Variants in PCDH11X observed in about 807,000 individuals in gnomAD.
PCDH11X encodes protocadherin 11 X-linked, also known as protocadherin-11 X-linked.
Under a neutral mutation model 53.3 loss-of-function variants are expected in PCDH11X, and 18 were observed. That is an observed-to-expected ratio of 0.34 (90% CI 0.23 to 0.50). The LOEUF is 0.50. Among genes scored for constraint, PCDH11X ranks in the 20% least tolerant of loss-of-function variants. The pLI is 0.98. For synonymous variants in PCDH11X, 279 were observed against 393.3 expected (o/e 0.71, Z 3.44); for missense variants, 570 against 1,032.4 (o/e 0.55, Z 6.14).
intron 9 of PCDH11X, among the ~76,000 whole-genome samples, chrX:92,389,295 C>T (rs1178540436): frequency 2.7e-5 from 3 of 111,297 alleles, no homozygotes; most frequent in Non-Finnish European, 3.8e-5. Flanking sequence ...ATTATATTTA[C>T]TTGTGTAATG....
chrX:91,959,092 G>T (rs945258692), intron 6 of PCDH11X, among the ~76,000 whole-genome samples: 14 of 107,749 alleles, frequency 1.3e-4, no homozygotes, highest in Non-Finnish European at 5.8e-5. Flanking sequence ...ATCATTTAGA[G>T]AAGTTAAACT....
intron 8 of PCDH11X, among the ~76,000 whole-genome samples, chrX:92,382,553 A>T (rs967333410): frequency 9.0e-6 from 1 of 111,134 alleles, no homozygotes; most frequent in Non-Finnish European, 1.9e-5. Flanking sequence ...GGTTTAATGG[A>T]CACAAGAATG....
At chrX:92,010,479 C>A (rs896679952) in intron 6 of PCDH11X, among the ~76,000 whole-genome samples, 1 of 110,432 alleles carries the variant, frequency 9.1e-6, no homozygotes, top group Non-Finnish European at 1.9e-5. Context: ...ACTTTTCTAC[C>A]TAGAATTATT....
chrX:91,980,720 C>A (rs2062116439), intron 6 of PCDH11X, among the ~76,000 whole-genome samples: 1 of 107,660 alleles, frequency 9.3e-6, no homozygotes, highest in South Asian at 4.2e-4. Context: ...CAGGCATGAA[C>A]CACCATGCCC....
intron 8 of PCDH11X, among the ~76,000 whole-genome samples, chrX:92,352,903 G>T (rs1350816451): frequency 9.1e-6 from 1 of 109,898 alleles, no homozygotes; most frequent in South Asian, 4.1e-4. Flanking sequence ...TTTCTTCAGG[G>T]TGTCTATGGA....
intron 6 of PCDH11X, among the ~76,000 whole-genome samples, chrX:92,186,007 GTA>G (rs2066086455): frequency 9.0e-6 from 1 of 111,147 alleles, no homozygotes; most frequent in Non-Finnish European, 1.9e-5. Flanking sequence ...TTACTACTGG[GTA>G]TATATCCAAA....
chrX:92,196,100 G>A (rs1332363970), intron 6 of PCDH11X, among the ~76,000 whole-genome samples: 1 of 111,849 alleles, frequency 8.9e-6, no homozygotes, highest in Non-Finnish European at 1.9e-5. Context: ...AATCTACAGA[G>A]TCCTTCTAGG....
chrX:92,467,505 T>C (rs1393145422), intron 9 of PCDH11X, among the ~76,000 whole-genome samples: 4 of 111,427 alleles, frequency 3.6e-5, no homozygotes. Flanking sequence ...AATTTTGTAA[T>C]GAATAAACTT....
chrX:92,408,273 G>A (rs2148597668), intron 9 of PCDH11X, among the ~76,000 whole-genome samples: 1 of 110,209 alleles, frequency 9.1e-6, no homozygotes, highest in South Asian at 3.9e-4. Flanking sequence ...GTGAGACAGG[G>A]CATCTTAGCA....
chrX:92,213,150 A>T (rs181087886), intron 7 of PCDH11X, among the ~76,000 whole-genome samples: 64 of 112,240 alleles, frequency 5.7e-4, no homozygotes, highest in African/African-American at 1.9e-3. Flanking sequence ...CCCTGATGTG[A>T]TAACATTATT....
At chrX:92,292,609 G>T (rs1445719753) in intron 8 of PCDH11X, among the ~76,000 whole-genome samples, 1 of 110,968 alleles carries the variant, frequency 9.0e-6, no homozygotes, top group Non-Finnish European at 1.9e-5. Context: ...AAGTCAAAAA[G>T]AAAACATTCA....
chrX:92,279,231 G>T (rs1441115100), intron 8 of PCDH11X, among the ~76,000 whole-genome samples: 1 of 112,256 alleles, frequency 8.9e-6, no homozygotes, highest in Non-Finnish European at 1.9e-5. Context: ...CACTTTAACA[G>T]CTTGTTTTAC....
In PCDH11X at chrX:92,382,340, T is replaced by C. The variant is rs768411649; in HGVS notation, c.3145-5395T>C. Among the ~76,000 whole-genome samples, 6 of 111,204 alleles carry C rather than the reference T, an allele frequency of 5.4e-5. No individual in the cohort carries two copies. The South Asian group carries it at 1.5e-3, about 28-fold the overall frequency. ...TTAGAGTGTATTAGGTTTGAACTCATGGCGTGTGCAAGGTTGTATAAGTAA... is the reference window on the plus strand; with the variant it reads ...TTAGAGTGTATTAGGTTTGAACTCACGGCGTGTGCAAGGTTGTATAAGTAA... On this transcript the variant is annotated intron_variant, in intron 8 of 10. Transcript: ENST00000682573.
intron 6 of PCDH11X, among the ~76,000 whole-genome samples, chrX:92,094,133 ATGTGTGTGTGTGTGTG>A (rs58997781): frequency 2.8e-4 from 26 of 94,239 alleles, no homozygotes; most frequent in East Asian, 9.9e-4. Flanking sequence ...AAAAAGTAAT[ATGTGTGTGTGTGTGTG>A]TGTGTGTGTG....
chrX:92,251,786 A>G (rs1194700273), intron 7 of PCDH11X, among the ~76,000 whole-genome samples: 1 of 110,910 alleles, frequency 9.0e-6, no homozygotes, highest in Non-Finnish European at 1.9e-5. Flanking sequence ...TATCATCAAT[A>G]AGGGTAGTTA....
chrX:92,192,144 C>A (rs1272421729), intron 6 of PCDH11X, among the ~76,000 whole-genome samples: 1 of 110,574 alleles, frequency 9.0e-6, no homozygotes, highest in Non-Finnish European at 1.9e-5. Flanking sequence ...GCTTAATGTT[C>A]TAATATTAGG....
intron 10 of PCDH11X, among the ~76,000 whole-genome samples, chrX:92,598,326 G>A (rs1239433294): frequency 4.7e-5 from 5 of 105,917 alleles, no homozygotes; most frequent in Non-Finnish European, 7.8e-5. Context: ...AAGGAGCTCA[G>A]CTCAAACAAC....
intron 8 of PCDH11X, among the ~76,000 whole-genome samples, chrX:92,380,910 G>A (rs945470833): frequency 8.2e-5 from 8 of 98,061 alleles, no homozygotes; most frequent in Non-Finnish European, 1.6e-4. Context: ...TTTTAATACC[G>A]TGTGTGTGTA....
chrX:92,546,940 T>C (rs928201889), intron 10 of PCDH11X, among the ~76,000 whole-genome samples: 2 of 111,741 alleles, frequency 1.8e-5, no homozygotes, highest in Admixed American at 9.5e-5. Flanking sequence ...AATACCCATC[T>C]TTTGTTCTCC....
Sources: allele counts gnomAD v4.1 joint callset (sites outside exome capture counted in the v4.1 genomes callset), GRCh38; gene constraint gnomAD v4.1.1; transcripts MANE v1.5; gene names NCBI Gene and HGNC (gene_info 2026-07-23, HGNC 2026-07-21).